CCDC91: variants seen among roughly 807,000 people sequenced by gnomAD.
CCDC91 encodes the protein coiled-coil domain-containing protein 91.
Under a neutral mutation model 63.2 loss-of-function variants are expected in CCDC91, and 48 were observed. The ratio of observed to expected loss-of-function variants is 0.76; its 90% confidence interval spans 0.60 to 0.97. The LOEUF is 0.97. Ranked by LOEUF, CCDC91 falls within the 50% of genes least tolerant of loss-of-function variation. The pLI is 0.00. For missense variants in CCDC91, 500 were observed against 494.6 expected (o/e 1.01, Z -0.10); for synonymous variants, 167 against 165.8 (o/e 1.01, Z -0.06).
At chr12:28,445,498 G>A (rs1949450521) in intron 8 of CCDC91, among the ~76,000 whole-genome samples, 1 of 152,206 alleles carries the variant, frequency 6.6e-6, no homozygotes, top group Non-Finnish European at 1.5e-5. Flanking sequence ...CCATGAAGAA[G>A]CTGGTTTGTC....
intron 8 of CCDC91, among the ~76,000 whole-genome samples, chr12:28,405,120 C>T (rs1946855070): frequency 6.6e-6 from 1 of 151,746 alleles, no homozygotes; most frequent in Non-Finnish European, 1.5e-5. Flanking sequence ...TTTTCTGGTT[C>T]AAATTGAAAA....
At chr12:28,412,821 A>G (rs968200374) in intron 8 of CCDC91, 1 of 453,270 alleles carries the variant, frequency 2.2e-6, no homozygotes, top group African/African-American at 2.0e-5. Flanking sequence ...TGCGTTTTAC[A>G]GAGTGCTGAT....
chr12:28,518,911 T>A (rs995850870), intron 12 of CCDC91, among the ~76,000 whole-genome samples: 1 of 152,030 alleles, frequency 6.6e-6, no homozygotes, highest in African/African-American at 2.4e-5. Flanking sequence ...GAATAGGGCG[T>A]CTTTTCCCCA....
intron 7 of CCDC91, among the ~76,000 whole-genome samples, chr12:28,367,940 C>G (rs1470757625): frequency 2.0e-5 from 3 of 152,190 alleles, no homozygotes; most frequent in Non-Finnish European, 4.4e-5. Context: ...TGCCAATAGA[C>G]TGCCTTTGGG....
At chr12:28,434,857 G>T (rs1170396371) in intron 8 of CCDC91, among the ~76,000 whole-genome samples, 1 of 151,168 alleles carries the variant, frequency 6.6e-6, no homozygotes, top group Non-Finnish European at 1.5e-5. Context: ...TGTGAATTTT[G>T]GCAGATTTGT....
intron 6 of CCDC91, among the ~76,000 whole-genome samples, chr12:28,348,027 C>T (rs1038838521): frequency 2.0e-5 from 3 of 152,218 alleles, no homozygotes; most frequent in Admixed American, 6.5e-5. Context: ...TGCCCATCTA[C>T]TTCTCTATCA....
intron 12 of CCDC91, among the ~76,000 whole-genome samples, chr12:28,498,463 T>C (rs1952431194): frequency 6.6e-6 from 1 of 151,632 alleles, no homozygotes. Flanking sequence ...AAGCAAGTTA[T>C]ATGGTCAAGT....
chr12:28,197,910 TACA>T (rs1191712534), intron 1 of CCDC91, among the ~76,000 whole-genome samples: 1 of 152,128 alleles, frequency 6.6e-6, no homozygotes, highest in Non-Finnish European at 1.5e-5. Flanking sequence ...TAGTAGAGGA[TACA>T]ACAATTTATT....
intron 7 of CCDC91, among the ~76,000 whole-genome samples, chr12:28,386,922 T>C (rs990011970): frequency 9.2e-5 from 14 of 152,318 alleles, no homozygotes; most frequent in African/African-American, 3.1e-4. Flanking sequence ...AGATTAGAAA[T>C]GAAATTATTC....
intron 11 of CCDC91, among the ~76,000 whole-genome samples, chr12:28,465,672 A>G (rs538017883): frequency 1.3e-5 from 2 of 152,142 alleles, no homozygotes; most frequent in Non-Finnish European, 2.9e-5. Flanking sequence ...TTCCTTTCAA[A>G]TATTTGGAAA....
At chr12:28,460,345 A>G (rs757602185) in intron 11 of CCDC91, among the ~76,000 whole-genome samples, 3 of 152,022 alleles carry the variant, frequency 2.0e-5, no homozygotes, top group African/African-American at 2.4e-5. Context: ...CCTCAAGTCA[A>G]TTTGTGCTGA....
chr12:28,438,277 A>C (rs1160828470), intron 8 of CCDC91, among the ~76,000 whole-genome samples: 2 of 152,108 alleles, frequency 1.3e-5, no homozygotes, highest in Non-Finnish European at 2.9e-5. Flanking sequence ...TGAGGGCTCC[A>C]CCATATAAAT....
At chr12:28,404,580 A>T (rs1432183223) in intron 8 of CCDC91, among the ~76,000 whole-genome samples, 1 of 152,036 alleles carries the variant, frequency 6.6e-6, no homozygotes, top group African/African-American at 2.4e-5. Context: ...ATTTCTGAGA[A>T]GTGGGGGCAA....
intron 1 of CCDC91, among the ~76,000 whole-genome samples, chr12:28,244,898 T>C (rs1945619404): frequency 6.6e-6 from 1 of 151,052 alleles, no homozygotes; most frequent in African/African-American, 2.4e-5. Context: ...AAGAGTTTAC[T>C]AAAGTTGAGT....
intron 12 of CCDC91, among the ~76,000 whole-genome samples, chr12:28,527,924 A>G (rs1018832588): frequency 2.6e-5 from 4 of 152,086 alleles, no homozygotes; most frequent in African/African-American, 7.2e-5. Context: ...GTCTAACCCA[A>G]ATGGCTGGTC....
chr12:28,423,374 A>T (rs186812912), intron 8 of CCDC91, among the ~76,000 whole-genome samples: 6 of 152,270 alleles, frequency 3.9e-5, no homozygotes, highest in Non-Finnish European at 7.4e-5. Flanking sequence ...ATGCAGTCCT[A>T]GTGAACAAAA....
intron 1 of CCDC91, among the ~76,000 whole-genome samples, chr12:28,247,351 G>T (rs1001108528): frequency 6.6e-6 from 1 of 151,976 alleles, no homozygotes; most frequent in African/African-American, 2.4e-5. Context: ...ATGGTGGAGG[G>T]CGCCTGTAGT....
chr12:28,333,797 C>T (rs1177015772), intron 6 of CCDC91, among the ~76,000 whole-genome samples: 3 of 152,126 alleles, frequency 2.0e-5, no homozygotes, highest in Non-Finnish European at 4.4e-5. Context: ...TTATGACAGT[C>T]TAGTTTCTCA....
intron 3 of CCDC91, among the ~76,000 whole-genome samples, chr12:28,287,952 CT>C (rs1243647896): frequency 6.6e-6 from 1 of 151,996 alleles, no homozygotes; most frequent in Admixed American, 6.5e-5. Context: ...TTATTTTATT[CT>C]TTTTGTGGCA....
Sources: gnomAD v4.1 joint callset for allele counts (sites outside exome capture counted in the v4.1 genomes callset) on GRCh38, gnomAD v4.1.1 for gene constraint, MANE v1.5 for transcripts, NCBI Gene and HGNC (gene_info 2026-07-23, HGNC 2026-07-21) for gene names.